The following SCNN1A variants were observed in gnomAD, a reference collection of about 807,000 sequenced individuals.
SCNN1A encodes the protein sodium channel epithelial 1 subunit alpha.
A neutral mutation model predicts 68.6 loss-of-function variants in SCNN1A; 65 were observed. The observed-to-expected ratio is 0.95, with a 90% CI of 0.78 to 1.16. The LOEUF (loss-of-function observed/expected upper bound fraction) is 1.16. Ranked by LOEUF, SCNN1A falls within the 50% of genes most tolerant of loss-of-function variation. The pLI, the probability that SCNN1A is intolerant of heterozygous loss-of-function variation, is 0.00. For missense variants in SCNN1A, 880 were observed against 865.9 expected (o/e 1.02, Z -0.20); for synonymous variants, 357 against 353.3 (o/e 1.01, Z -0.12).
chr12:6,363,817 G>T, intron 2 of SCNN1A, 107 bp from the exon 3 acceptor site: 1 of 1,139,950 alleles, frequency 8.8e-7, no homozygotes, highest in Admixed American at 2.8e-5. Flanking sequence ...GTCCATCCCG[G>T]AGAAGCCTGG....
At chr12:6,367,835 C>T (rs1365609974) in intron 2 of SCNN1A, among the ~76,000 whole-genome samples, 2 of 152,190 alleles carry the variant, frequency 1.3e-5, no homozygotes, top group East Asian at 1.9e-4. Flanking sequence ...AGAGCCCCCA[C>T]GTGGTCCTAA....
At chr12:6,363,930 A>C in intron 2 of SCNN1A, 1 of 448,028 alleles carries the variant, frequency 2.2e-6, no homozygotes. Flanking sequence ...CAGCCGGGAC[A>C]CTGTGGACTG....
At chr12:6,356,745 C>T (rs189285851) in intron 4 of SCNN1A, among the ~76,000 whole-genome samples, 6 of 152,238 alleles carry the variant, frequency 3.9e-5, no homozygotes, top group Non-Finnish European at 7.4e-5. Context: ...ATGTGCCACA[C>T]GGCACAGAGA....
upstream of SCNN1A, chr12:6,376,249 C>T (rs369075762): frequency 3.6e-5 from 34 of 940,302 alleles, no homozygotes; most frequent in African/African-American, 4.4e-4. Flanking sequence ...GCTGATTCCT[C>T]GCCACCCCCT....
Position 6,348,737 on chromosome 12 carries a change from G to A in SCNN1A, c.1619C>T (p.Pro540Leu). 1 of 1,613,208 alleles carries A rather than the reference G, an allele frequency of 6.2e-7. No homozygotes were observed. The highest frequency in any genetic ancestry group is 1.7e-5 in the Admixed American group (1 of 59,930). ...CCAGGCACGACCTACCGTGACAGAG[G>A]GAGACTCAGAATTGGTTTTGTAGTT... ...ELNYKTNSES[P>L]SVTMVTLLSN... The change falls in exon 12 of 13, where the codon CCC becomes CTC. Residue 540 changes from proline (P) to leucine (L), a missense_variant. Transcript: ENST00000228916.
chr12:6,347,500 G>A lies in SCNN1A; in HGVS notation c.*373C>T, dbSNP rs1203193748. On this transcript the variant is annotated 3_prime_UTR_variant, in exon 13 of 13. Transcript: ENST00000228916. ...CTGGGCAGGAAACCCGTGCATGCCT[G>A]CGTGTACCCTTGGTTGTGTTTTGTC... 7.1e-6 allele frequency: 2 copies of A among 279,810 alleles called. No homozygotes were observed. Among genetic ancestry groups the A allele is most frequent in the Non-Finnish European group, 1.4e-5 (2 of 143,296 alleles). 17.3% of individuals were successfully genotyped at this position (279,810 alleles called of 1,614,324 possible).
chr12:6,360,505 G>A (rs3782726), intron 4 of SCNN1A, among the ~76,000 whole-genome samples: 3 of 152,026 alleles, frequency 2.0e-5, no homozygotes, highest in Admixed American at 2.0e-4. Context: ...AGGTGTGGGC[G>A]GACTCAGGCT....
intron 4 of SCNN1A, among the ~76,000 whole-genome samples, chr12:6,359,998 T>A (rs1473708686): frequency 6.6e-6 from 1 of 152,186 alleles, no homozygotes; most frequent in African/African-American, 2.4e-5. Context: ...CTCTAACTCC[T>A]GACCTCAGGT....
rs972838423 is a variant in SCNN1A, at chr12:6,360,651, A to G, written c.875+1400T>C. Among the ~76,000 whole-genome samples the G allele has an allele frequency of 5.3e-5, 8 of 152,232 alleles. No individual in the cohort carries two copies. In the East Asian group the frequency reaches 7.7e-4, roughly 15 times the overall value. On this transcript the variant is annotated intron_variant, in intron 4 of 12. Transcript: ENST00000228916. ...AGAAGTGACACCTTGCCCTGTGGCC[A>G]TTCTTCAGCAACAGGGGAGGGAATG...
chr12:6,367,558 G>A (rs1357976182), intron 2 of SCNN1A, among the ~76,000 whole-genome samples: 1 of 152,198 alleles, frequency 6.6e-6, no homozygotes, highest in East Asian at 1.9e-4. Flanking sequence ...CCATTTATAC[G>A]AATTCTATGA....
At position 6,375,560 on chromosome 12, in the gene SCNN1A, A is replaced by AATCTCATT; in HGVS notation, c.-111_-110insAATGAGAT. ...CCGCCCGCTGGCCGGCCAGGGATGG[A>AATCTCATT]AGCGACAGGAATCTCATTAGCATCT... is the stretch of plus-strand genomic sequence containing the variant. On this transcript the variant is annotated 5_prime_UTR_variant, in exon 1 of 13. The change creates a new upstream start codon in the 5' untranslated region. Coordinates refer to ENST00000228916, the MANE Select transcript of SCNN1A (RefSeq NM_001038.6). 1 of 1,530,938 alleles carries AATCTCATT rather than the reference A, an allele frequency of 6.5e-7. No homozygotes were observed. Among genetic ancestry groups the AATCTCATT allele is most frequent in the Non-Finnish European group, 8.7e-7 (1 of 1,143,832 alleles). 94.8% of individuals were successfully genotyped at this position (1,530,938 alleles called of 1,614,324 possible). A position where few individuals can be genotyped will look rare whatever the true frequency, so the allele number is the denominator to read the frequency against.
intron 2 of SCNN1A, among the ~76,000 whole-genome samples, chr12:6,371,878 T>A (rs1384886503): frequency 6.6e-6 from 1 of 152,156 alleles, no homozygotes; most frequent in East Asian, 1.9e-4. Context: ...CTCGGCTCAC[T>A]GCAGCCTCGG....
chr12:6,367,056 G>A (rs1948692401), intron 2 of SCNN1A, among the ~76,000 whole-genome samples: 1 of 152,028 alleles, frequency 6.6e-6, no homozygotes, highest in African/African-American at 2.4e-5. Context: ...TGGGCAACAC[G>A]ACGAAACCTT....
chr12:6,356,512 A>G (rs1948500198), intron 4 of SCNN1A: 1 of 170,776 alleles, frequency 5.9e-6, no homozygotes, highest in African/African-American at 2.4e-5. Flanking sequence ...AAGTGTGACC[A>G]GTGGTGAGCA....
rs1056949248 is a variant in SCNN1A, at chr12:6,348,734, G to A, written c.1622C>T (p.Ser541Phe). Residue 541 changes from serine (S) to phenylalanine (F), a missense_variant, in exon 12 of 13, where the codon TCT (serine) becomes TTT (phenylalanine). Coordinates refer to ENST00000228916, the MANE Select transcript of SCNN1A (RefSeq NM_001038.6). ...LNYKTNSESP[S>F]VTMVTLLSNL... is the part of the protein sequence containing the mutation. Reference sequence around the variant, plus strand: ...CATCCAGGCACGACCTACCGTGACAGAGGGAGACTCAGAATTGGTTTTGTA... The same window carrying A: ...CATCCAGGCACGACCTACCGTGACAAAGGGAGACTCAGAATTGGTTTTGTA... 3.1e-6 allele frequency: 5 copies of A among 1,613,228 alleles called. No homozygotes were observed. The highest frequency in any genetic ancestry group is 1.1e-5 in the South Asian group (1 of 91,026).
chr12:6,349,053 G>A lies in SCNN1A; in HGVS notation c.1498-48C>T, dbSNP rs373451418. ...TCAAGGTCACTCCCATATGCTTCAG[G>A]CTTACAGGGATAGGGTTGTGTCAAA... is the stretch of plus-strand genomic sequence containing the variant. On this transcript the variant is annotated intron_variant, in intron 10 of 12. Transcript: ENST00000228916. 5.3e-5 allele frequency: 86 copies of A among 1,608,472 alleles called. No individual in the cohort carries two copies. The African/African-American group carries it at 9.1e-4, about 17-fold the overall frequency.
chr12:6,363,984 C>A (rs939186865), intron 2 of SCNN1A: 57 of 334,050 alleles, frequency 1.7e-4, no homozygotes, highest in Non-Finnish European at 1.4e-4. Flanking sequence ...GTCTGTGGGG[C>A]GCTCTCCCCC....
chr12:6,360,192 G>A (rs981693407), intron 4 of SCNN1A, among the ~76,000 whole-genome samples: 1 of 152,230 alleles, frequency 6.6e-6, no homozygotes, highest in African/African-American at 2.4e-5. Flanking sequence ...AGGAAGGGAG[G>A]ATTTGGAGGC....
rs1198002959 is a variant in SCNN1A at position 6,363,456 on chromosome 12, A to G, written c.671T>C (p.Ile224Thr). Residue 224 changes from isoleucine (I) to threonine (T), a missense_variant, in exon 3 of 13, where the codon ATC becomes ACC. Coordinates refer to ENST00000228916, the MANE Select transcript of SCNN1A (RefSeq NM_001038.6). ...TGCGGGCCTCACCAGCTGGAAGCCG[A>G]TCTTCCAGTCCTTCCAGTCCACCTG... ...NPQVDWKDWK[I>T]GFQLCNQNKS... 1 of 1,591,996 alleles carries G rather than the reference A, an allele frequency of 6.3e-7. No individual in the cohort carries two copies. The highest frequency in any genetic ancestry group is 2.2e-4 in the Middle Eastern group (1 of 4,630).
Sources: gnomAD v4.1 joint callset for allele counts (sites outside exome capture counted in the v4.1 genomes callset) on GRCh38, gnomAD v4.1.1 for gene constraint, MANE v1.5 for transcripts, NCBI Gene and HGNC (gene_info 2026-07-23, HGNC 2026-07-21) for gene names.